The following PTPN2 variants were observed in gnomAD, a reference collection of about 807,000 sequenced individuals.
PTPN2 encodes the protein protein tyrosine phosphatase non-receptor type 2, also known as tyrosine-protein phosphatase non-receptor type 2.
A neutral mutation model predicts 57.3 loss-of-function variants in PTPN2; 19 were observed. The ratio of observed to expected loss-of-function variants is 0.33; its 90% CI spans 0.23 to 0.49. PTPN2 has a LOEUF of 0.49. Ranked by LOEUF, PTPN2 falls within the 20% of genes least tolerant of loss-of-function variation. The pLI is 0.99. For synonymous variants in PTPN2, 153 were observed against 164.9 expected, an observed-to-expected ratio of 0.93 and a Z score of 0.55; for missense variants, 358 against 501.1, an observed-to-expected ratio of 0.71 and a Z score of 2.73.
chr18:12,807,582 A>ATATATATATATATATATATATATAT (rs764663687), intron 7 of PTPN2, among the ~76,000 whole-genome samples: 1 of 61,492 alleles, frequency 1.6e-5, no homozygotes, highest in African/African-American at 4.4e-5. Context: ...AAAAAAAAAA[A>ATATATATATATATATATATATATAT]AAAAATATAT....
chr18:12,858,645 T>C (rs929383123), intron 2 of PTPN2, among the ~76,000 whole-genome samples: 2 of 152,234 alleles, frequency 1.3e-5, no homozygotes, highest in East Asian at 3.8e-4. Flanking sequence ...TTAAAGTACA[T>C]GTTTATTTTT....
At chr18:12,806,823 C>T (rs1302888364) in intron 7 of PTPN2, among the ~76,000 whole-genome samples, 1 of 151,946 alleles carries the variant, frequency 6.6e-6, no homozygotes, top group Non-Finnish European at 1.5e-5. Flanking sequence ...AAATATGAGA[C>T]CCCAAACAAA....
At chr18:12,860,308 C>T (rs1192225564) in intron 1 of PTPN2, among the ~76,000 whole-genome samples, 3 of 151,210 alleles carry the variant, frequency 2.0e-5, no homozygotes, top group Non-Finnish European at 4.4e-5. Context: ...CAAAAAAATA[C>T]AAAAATTAGG....
chr18:12,871,990 G>C (rs987113456), intron 1 of PTPN2, among the ~76,000 whole-genome samples: 3 of 151,848 alleles, frequency 2.0e-5, no homozygotes, highest in African/African-American at 7.3e-5. Flanking sequence ...AGAGGTTGCA[G>C]TAAGCCGAGA....
intron 5 of PTPN2, among the ~76,000 whole-genome samples, chr18:12,820,822 T>C (rs1049937685): frequency 6.6e-6 from 1 of 152,236 alleles, no homozygotes; most frequent in Non-Finnish European, 1.5e-5. Flanking sequence ...CTGCACAAAA[T>C]GTCAGTGGCT....
chr18:12,797,264 T>A (rs2041226926), intron 8 of PTPN2, among the ~76,000 whole-genome samples: 1 of 152,142 alleles, frequency 6.6e-6, no homozygotes, highest in African/African-American at 2.4e-5. Flanking sequence ...ATATAATCTT[T>A]AACGTATTAT....
Position 12,818,704 on chromosome 18 carries a change from C to T in PTPN2, c.496-1339G>A, listed in dbSNP as rs115399854. 4.0e-3 allele frequency among the ~76,000 whole-genome samples: 608 copies of T among 151,624 alleles called. 3 individuals are homozygous for T. Among genetic ancestry groups the T allele is most frequent in the African/African-American group, 0.014 (594 of 41,340 alleles). The stretch of plus-strand genomic sequence containing the variant: ...GAGGCATAGAAACAATGTAAAAAAC[C>T]TTGATGTTTAATGGTTTAACAACTA... On this transcript the variant is annotated intron_variant, in intron 5 of 8. Transcript: ENST00000309660.
chr18:12,883,081 G>T (rs7238238), intron 1 of PTPN2, among the ~76,000 whole-genome samples: 2 of 152,116 alleles, frequency 1.3e-5, no homozygotes, highest in Non-Finnish European at 2.9e-5. Context: ...AGCTGAACAG[G>T]CACGATTAGG....
chr18:12,833,260 T>C (rs2042732747), intron 3 of PTPN2, among the ~76,000 whole-genome samples: 1 of 152,132 alleles, frequency 6.6e-6, no homozygotes, highest in South Asian at 2.1e-4. Flanking sequence ...AGTAACAATC[T>C]ACAAAGGACA....
At chr18:12,849,664 T>C (rs2043327626) in intron 2 of PTPN2, among the ~76,000 whole-genome samples, 1 of 152,266 alleles carries the variant, frequency 6.6e-6, no homozygotes, top group Non-Finnish European at 1.5e-5. Flanking sequence ...TTTTAATACA[T>C]TGCTATATTC....
chr18:12,831,986 C>T (rs2042684985), intron 3 of PTPN2, among the ~76,000 whole-genome samples: 1 of 152,156 alleles, frequency 6.6e-6, no homozygotes, highest in South Asian at 2.1e-4. Flanking sequence ...CCTAAAATAA[C>T]TATGAACATG....
At chr18:12,877,402 T>C (rs1483935736) in intron 1 of PTPN2, among the ~76,000 whole-genome samples, 2 of 152,130 alleles carry the variant, frequency 1.3e-5, no homozygotes, top group African/African-American at 4.8e-5. Context: ...GTTTCCCAAA[T>C]AGATATGGTA....
chr18:12,845,718 T>C lies in PTPN2; in HGVS notation c.161-8827A>G, dbSNP rs572065483. On this transcript the variant is annotated intron_variant, in intron 2 of 8. Coordinates refer to ENST00000309660, the MANE Select transcript of PTPN2 (RefSeq NM_002828.4). ...GCTAGGATTCAGTACCTCAAGTTTA[T>C]ATGTATTTTTAATTTGTATGTTTAA... 9.8e-5 allele frequency among the ~76,000 whole-genome samples: 15 copies of C among 152,368 alleles called. 1 individual carries two copies. The South Asian group carries it at 2.3e-3, about 23-fold the overall frequency.
chr18:12,811,233 A>G (rs2041878976), intron 7 of PTPN2, among the ~76,000 whole-genome samples: 1 of 152,080 alleles, frequency 6.6e-6, no homozygotes, highest in South Asian at 2.1e-4. Flanking sequence ...CTATGCTGTG[A>G]CCCCTTATAA....
intron 8 of PTPN2, among the ~76,000 whole-genome samples, chr18:12,799,934 T>A (rs2041349711): frequency 6.6e-6 from 1 of 152,134 alleles, no homozygotes; most frequent in Non-Finnish European, 1.5e-5. Flanking sequence ...CCCGGCCTCC[T>A]CTTTTTCATT....
chr18:12,834,153 C>G (rs2042766612), intron 3 of PTPN2, among the ~76,000 whole-genome samples: 1 of 152,000 alleles, frequency 6.6e-6, no homozygotes, highest in African/African-American at 2.4e-5. Flanking sequence ...ATGGTGAAAC[C>G]TTGTCTCTAC....
intron 5 of PTPN2, among the ~76,000 whole-genome samples, chr18:12,823,163 CACAA>C (rs879640712): frequency 2.0e-5 from 3 of 152,086 alleles, no homozygotes; most frequent in Non-Finnish European, 4.4e-5. Flanking sequence ...TAAAGTAGAA[CACAA>C]ACAAATTCTT....
chr18:12,824,736 T>G (rs1046560837), intron 5 of PTPN2, among the ~76,000 whole-genome samples: 1 of 152,112 alleles, frequency 6.6e-6, no homozygotes, highest in African/African-American at 2.4e-5. Context: ...TAACCCACTA[T>G]GTGTATGTAC....
chr18:12,868,541 C>T (rs1362185123), intron 1 of PTPN2, among the ~76,000 whole-genome samples: 1 of 151,952 alleles, frequency 6.6e-6, no homozygotes, highest in Non-Finnish European at 1.5e-5. Flanking sequence ...CAGGCGTGAG[C>T]CATCACCTTC....
Sources: gnomAD v4.1 joint callset for allele counts (sites outside exome capture counted in the v4.1 genomes callset) on GRCh38, gnomAD v4.1.1 for gene constraint, MANE v1.5 for transcripts, NCBI Gene and HGNC (gene_info 2026-07-23, HGNC 2026-07-21) for gene names.